Variants in HMGA2 observed in about 807,000 individuals in gnomAD.
HMGA2 encodes the protein high mobility group AT-hook 2, also known as high mobility group protein HMGI-C.
In HMGA2, 8 loss-of-function variants were observed where a neutral mutation model predicts 19.1. The observed-to-expected ratio is 0.42, with a 90% CI of 0.25 to 0.76. HMGA2 has a LOEUF of 0.76. Ranked by LOEUF, HMGA2 falls within the 30% of genes least tolerant of loss-of-function variation. The pLI is 0.28. For missense variants in HMGA2, 109 were observed against 136.3 expected (o/e 0.80, Z 1.00); for synonymous variants, 60 against 48.8 (o/e 1.23, Z -0.96).
chr12:65,924,450 T>TAC (rs141184393), intron 3 of HMGA2, among the ~76,000 whole-genome samples: 1,684 of 150,376 alleles, frequency 0.011, 27 homozygotes, highest in African/African-American at 0.034. Flanking sequence ...AAGACCTCCC[T>TAC]ACACACACAC....
intron 2 of HMGA2, among the ~76,000 whole-genome samples, chr12:65,833,461 A>G (rs1184464188): frequency 6.8e-6 from 1 of 146,738 alleles, no homozygotes; most frequent in Non-Finnish European, 1.5e-5. Context: ...GCAGTGGGGG[A>G]TTTCTGGCTA....
At chr12:65,951,504 G>A (rs375412389) in intron 4 of HMGA2, 89 bp downstream of exon 4, 20 of 847,888 alleles carry the variant, frequency 2.4e-5, no homozygotes, top group African/African-American at 1.0e-4. Flanking sequence ...ACCTTATTTC[G>A]CATTTTCTTA....
At chr12:65,915,460 C>T in intron 3 of HMGA2, 7 of 1,239,832 alleles carry the variant, frequency 5.6e-6, no homozygotes, top group Non-Finnish European at 7.2e-6. Flanking sequence ...CAGGGATCCA[C>T]CTTTTTGCAG....
intron 3 of HMGA2, among the ~76,000 whole-genome samples, chr12:65,924,812 A>T (rs576976823): frequency 1.3e-5 from 2 of 152,152 alleles, no homozygotes; most frequent in Non-Finnish European, 2.9e-5. Context: ...AAACAAAAAA[A>T]GTAATTGTGA....
intron 3 of HMGA2, chr12:65,874,145 G>A (rs1216183507): frequency 6.6e-6 from 1 of 152,144 alleles, no homozygotes; most frequent in African/African-American, 2.4e-5. Context: ...TTGGGAATAA[G>A]AGTAAGAATT....
chr12:65,928,430 A>G (rs138107150), intron 3 of HMGA2, among the ~76,000 whole-genome samples: 20 of 152,316 alleles, frequency 1.3e-4, no homozygotes, highest in African/African-American at 4.8e-4. Context: ...ACTGTACACT[A>G]TGCAGACTTT....
At chr12:65,847,017 C>T (rs557273817) in intron 3 of HMGA2, among the ~76,000 whole-genome samples, 2 of 152,188 alleles carry the variant, frequency 1.3e-5, no homozygotes, top group South Asian at 4.2e-4. Context: ...CCTAATGACA[C>T]ACTATTTGAA....
chr12:65,867,148 T>TA (rs1464732542), intron 3 of HMGA2, among the ~76,000 whole-genome samples: 1 of 152,164 alleles, frequency 6.6e-6, no homozygotes, highest in Non-Finnish European at 1.5e-5. Context: ...ACATTGACAC[T>TA]AAATTGAGGG....
intron 3 of HMGA2, among the ~76,000 whole-genome samples, chr12:65,916,481 TG>T (rs939115082): frequency 6.6e-6 from 1 of 152,190 alleles, no homozygotes; most frequent in African/African-American, 2.4e-5. Context: ...AGTACCTCTC[TG>T]GGAACATAAT....
chr12:65,833,910 T>C (rs1036468997), intron 2 of HMGA2, among the ~76,000 whole-genome samples: 1 of 152,178 alleles, frequency 6.6e-6, no homozygotes, highest in Non-Finnish European at 1.5e-5. Context: ...GTGGGTAGCA[T>C]TTTAAAATAA....
chr12:65,936,581 C>G (rs1465533018), intron 3 of HMGA2, among the ~76,000 whole-genome samples: 1 of 152,138 alleles, frequency 6.6e-6, no homozygotes. Flanking sequence ...AGTGGTACTA[C>G]ATTTATTGAT....
chr12:65,827,693 T>C (rs1347576537), intron 1 of HMGA2, among the ~76,000 whole-genome samples: 3 of 152,208 alleles, frequency 2.0e-5, no homozygotes, highest in Non-Finnish European at 2.9e-5. Flanking sequence ...CCTGTAAACT[T>C]TACACCTTAA....
rs984649582 is a variant in HMGA2, at chr12:65,964,849, C to G, written c.*1557C>G. 3 of 193,450 alleles carry G rather than the reference C, an allele frequency of 1.6e-5. No individual in the cohort carries two copies. Among genetic ancestry groups the G allele is most frequent in the Non-Finnish European group, 3.2e-5 (3 of 92,542 alleles). The allele number at this position is 193,450 out of a possible 1,614,324, so 12.0% of individuals were successfully genotyped here. On this transcript the variant is annotated 3_prime_UTR_variant, in exon 5 of 5. Coordinates refer to ENST00000403681, the MANE Select transcript of HMGA2 (RefSeq NM_003483.6). ...CTAGGTTCTTAAGGATAATTTTCCT[C>G]AATCACACTACACATCACACAAGAT...
chr12:65,955,399 C>T (rs771934025), intron 4 of HMGA2: 1 of 152,126 alleles, frequency 6.6e-6, no homozygotes, highest in Non-Finnish European at 1.5e-5. Flanking sequence ...ATAAGTGTCT[C>T]TCCAACTGAG....
At chr12:65,952,342 T>A in intron 4 of HMGA2, 1 of 1,530,180 alleles carries the variant, frequency 6.5e-7, no homozygotes, top group Non-Finnish European at 8.8e-7. Context: ...CTACCTTGCA[T>A]CCTGTTTTCT....
chr12:65,825,453 C>G lies in HMGA2; in HGVS notation c.111+72C>G. On this transcript the variant is annotated intron_variant, in intron 1 of 4. Coordinates refer to ENST00000403681, the MANE Select transcript of HMGA2 (RefSeq NM_003483.6). The surrounding 1 kb of genome is among the most constrained non-coding windows in gnomAD (Gnocchi z 4.4). ...TGCCGGGGCCCAGACACGCGCGGGG[C>G]GGCCGGAGTGCGGGAGCCCAGTCGC... The G allele has an allele frequency of 1.8e-6, 2 of 1,125,430 alleles. No homozygotes were observed. The highest frequency in any genetic ancestry group is 2.4e-6 in the Non-Finnish European group (2 of 846,684). 69.7% of individuals were successfully genotyped at this position (1,125,430 alleles called of 1,614,324 possible). A position where few individuals can be genotyped will look rare whatever the true frequency, so the allele number is the denominator to read the frequency against.
intron 4 of HMGA2, chr12:65,952,160 C>A: frequency 1.9e-6 from 1 of 533,646 alleles, no homozygotes; most frequent in Non-Finnish European, 3.3e-6. Flanking sequence ...TAAGAACGTC[C>A]TGCTGTTCTC....
intron 4 of HMGA2, among the ~76,000 whole-genome samples, chr12:65,959,591 C>T (rs1023842342): frequency 6.6e-6 from 1 of 152,122 alleles, no homozygotes; most frequent in Non-Finnish European, 1.5e-5. Flanking sequence ...AAAATGTCAC[C>T]GTGCACTTGC....
Position 65,838,548 on chromosome 12 carries a change from A to G in HMGA2, c.228A>G (p.Pro76=), listed in dbSNP as rs1454002039. Residue 76 remains proline, a synonymous_variant, in exon 3 of 5, where the codon CCA becomes CCG. Coordinates refer to ENST00000403681, the MANE Select transcript of HMGA2 (RefSeq NM_003483.6). The stretch of plus-strand genomic sequence containing the variant: ...CAGAAGCCACTGGAGAAAAACGGCC[A>G]AGAGGCAGACCTAGGAAATGGGTGA... The part of the protein sequence containing the change: ...KKAEATGEKR[P]RGRPRKWPQQ... 1 of 1,612,026 alleles carries G rather than the reference A, an allele frequency of 6.2e-7. No homozygotes were observed. The highest frequency in any genetic ancestry group is 1.1e-5 in the South Asian group (1 of 90,774).
Sources: gnomAD v4.1 joint callset for allele counts (sites outside exome capture counted in the v4.1 genomes callset) on GRCh38, gnomAD v4.1.1 for gene constraint, Gnocchi (gnomAD v3.1) non-coding constraint, MANE v1.5 for transcripts, NCBI Gene and HGNC (gene_info 2026-07-23, HGNC 2026-07-21) for gene names.